TP53BP1: variants seen among roughly 807,000 people sequenced by gnomAD.
TP53BP1 encodes tumor protein p53 binding protein 1.
A neutral mutation model predicts 200.8 loss-of-function variants in TP53BP1; 61 were observed. That is an observed-to-expected ratio of 0.30 (90% confidence interval 0.25 to 0.38). The LOEUF (loss-of-function observed/expected upper bound fraction) is 0.38. TP53BP1 is among the 10% of genes least tolerant of loss of function. The probability of loss-of-function intolerance (pLI) is 1.00; values close to 1 mark genes in which losing one functional copy is unlikely to be tolerated. For missense variants in TP53BP1, 2,144 were observed against 2,371.9 expected (o/e 0.90, Z 2.00); for synonymous variants, 822 against 844.3 (o/e 0.97, Z 0.46).
intron 24 of TP53BP1, 144 bp from the exon 25 acceptor site, chr15:43,409,885 T>C: frequency 2.3e-6 from 1 of 444,348 alleles, no homozygotes; most frequent in Non-Finnish European, 4.0e-6. Context: ...GGCTTCCCCA[T>C]GGGTCAGAAA....
rs770323204 is a variant in TP53BP1, at chr15:43,456,221, G to A, written c.2387C>T (p.Ala796Val). 3.1e-6 allele frequency: 5 copies of A among 1,614,136 alleles called. No individual in the cohort carries two copies. In the South Asian group the frequency reaches 5.5e-5, roughly 18 times the overall value. The change falls in exon 12 of 28, where the codon GCT becomes GTT. Residue 796 changes from alanine (A) to valine (V), a missense_variant. Ala to Val is a moderately conservative substitution (Grantham distance 64). Coordinates refer to ENST00000382044, the MANE Select transcript of TP53BP1 (RefSeq NM_001141980.3). ...CTCAGCACATGGTTCTATTTCTGGA[G>A]CAATATCCTCCCATGACTGGGAATC... The part of the protein sequence containing the change: ...CSDSQSWEDI[A>V]PEIEPCAENR...
intron 27 of TP53BP1, 40 bp from the exon 28 acceptor site, chr15:43,407,610 CAACTT>C (rs1298578589): frequency 2.6e-6 from 4 of 1,559,306 alleles, no homozygotes; most frequent in South Asian, 2.3e-5. Flanking sequence ...AAAGGACACT[CAACTT>C]AGCCCTCCAT....
chr15:43,507,710 GTTTTC>G (rs1237462692), intron 1 of TP53BP1, among the ~76,000 whole-genome samples: 1 of 151,168 alleles, frequency 6.6e-6, no homozygotes, highest in Non-Finnish European at 1.5e-5. Context: ...ATGCTCCACA[GTTTTC>G]TTTTTTCTTT....
At chr15:43,497,497 T>C (rs147968039), upstream of TP53BP1, 3 of 978,130 alleles carry the variant, frequency 3.1e-6, no homozygotes, top group East Asian at 3.4e-4. Flanking sequence ...TTCTCTACCA[T>C]CTCAGCTTTC....
At chr15:43,473,822 C>T (rs996593047) in intron 10 of TP53BP1, among the ~76,000 whole-genome samples, 6 of 152,248 alleles carry the variant, frequency 3.9e-5, no homozygotes, top group Admixed American at 2.0e-4. Flanking sequence ...CAGTGGATCT[C>T]GCACGGGGGC....
At chr15:43,504,673 C>T (rs1288931852) in intron 1 of TP53BP1, among the ~76,000 whole-genome samples, 1 of 152,054 alleles carries the variant, frequency 6.6e-6, no homozygotes, top group African/African-American at 2.4e-5. Flanking sequence ...ACAAAAAATA[C>T]AAGAATGAGA....
At chr15:43,422,159 G>A in intron 18 of TP53BP1, 33 bp from the exon 19 acceptor site, 1 of 1,601,940 alleles carries the variant, frequency 6.2e-7, no homozygotes, top group Non-Finnish European at 8.5e-7. Context: ...GAAGATAAAA[G>A]ATGCCATAAT....
At chr15:43,477,850 T>A in intron 7 of TP53BP1, 91 bp from the exon 8 acceptor site, 1 of 1,063,322 alleles carries the variant, frequency 9.4e-7, no homozygotes, top group South Asian at 2.2e-5. Flanking sequence ...TTTTCTTTAA[T>A]AATTTCAAAA....
At chr15:43,428,532 GT>G (rs2045601631) in intron 17 of TP53BP1, among the ~76,000 whole-genome samples, 1 of 152,102 alleles carries the variant, frequency 6.6e-6, no homozygotes, top group Non-Finnish European at 1.5e-5. Context: ...TAGTAAACGA[GT>G]TTACATTTGC....
intron 14 of TP53BP1, among the ~76,000 whole-genome samples, chr15:43,445,148 C>A (rs1298281625): frequency 2.0e-5 from 3 of 152,256 alleles, no homozygotes; most frequent in Non-Finnish European, 2.9e-5. Flanking sequence ...ATAAACTTCT[C>A]AAAAGTAGAG....
At chr15:43,420,861 C>T (rs1050015833) in intron 20 of TP53BP1, 126 bp from the exon 21 acceptor site, 1 of 1,283,768 alleles carries the variant, frequency 7.8e-7, no homozygotes, top group Admixed American at 2.5e-5. Context: ...CCATCACAGG[C>T]ATGAGCCTGG....
At chr15:43,435,028 A>G (rs1034371883) in intron 16 of TP53BP1, among the ~76,000 whole-genome samples, 3 of 152,180 alleles carry the variant, frequency 2.0e-5, no homozygotes, top group African/African-American at 7.2e-5. Flanking sequence ...TGGGAAGCCA[A>G]GACGGGTGGA....
intron 18 of TP53BP1, among the ~76,000 whole-genome samples, chr15:43,423,890 G>A (rs762247927): frequency 3.3e-5 from 5 of 151,650 alleles, no homozygotes; most frequent in Admixed American, 6.6e-5. Context: ...CTTTAAAATC[G>A]GTATTTCCCA....
Position 43,404,650 on chromosome 15 carries a change from C to T in TP53BP1, c.*2733G>A. On this transcript the variant is annotated 3_prime_UTR_variant, in exon 28 of 28. Transcript: ENST00000382044. ...TGGAAGAAGACTTTAGTCCAAATACCCTCATTTTATAAGTAAGGCTTAGAG... is the reference window on the plus strand; with the variant it reads ...TGGAAGAAGACTTTAGTCCAAATACTCTCATTTTATAAGTAAGGCTTAGAG... 1 of 1,313,372 alleles carries T rather than the reference C, an allele frequency of 7.6e-7. No individual in the cohort carries two copies. Among genetic ancestry groups the T allele is most frequent in the Non-Finnish European group, 1.1e-6 (1 of 945,692 alleles). 81.4% of individuals were successfully genotyped at this position (1,313,372 alleles called of 1,614,324 possible).
Position 43,407,268 on chromosome 15 carries a change from A to AAAC in TP53BP1, c.*112_*114dup. On this transcript the variant is annotated 3_prime_UTR_variant, in exon 28 of 28. Transcript: ENST00000382044. The stretch of plus-strand genomic sequence containing the variant: ...TTTTATCATAAAAGTTCAGCAAATA[A>AAAC]AACTATATACAAGATCCATGCAAGG... The AAAC allele has an allele frequency of 1.2e-6, 1 of 845,732 alleles. No homozygotes were observed. The highest frequency in any genetic ancestry group is 1.9e-6 in the Non-Finnish European group (1 of 540,362). The allele number at this position is 845,732 out of a possible 1,614,324, so 52.4% of individuals were successfully genotyped here.
At position 43,438,422 on chromosome 15, in the gene TP53BP1, A is replaced by C. The variant is rs2045850508; in HGVS notation, c.3099-6T>G. On this transcript the variant is annotated splice_region_variant and splice_polypyrimidine_tract_variant and intron_variant, in intron 15 of 27. Coordinates refer to ENST00000382044, the MANE Select transcript of TP53BP1 (RefSeq NM_001141980.3). ...CAGACATGGTCTTCTGGGGACTAAG[A>C]CAATATATTAAAGCAATATATTGTT... 6.2e-7 allele frequency: 1 copy of C among 1,606,846 alleles called. No homozygotes were observed.
intron 1 of TP53BP1, among the ~76,000 whole-genome samples, chr15:43,506,208 T>C (rs1032620860): frequency 1.3e-5 from 2 of 152,198 alleles, no homozygotes; most frequent in African/African-American, 4.8e-5. Context: ...TCAAGATGAG[T>C]GCAACTAATT....
At chr15:43,435,121 T>C (rs879767691) in intron 16 of TP53BP1, among the ~76,000 whole-genome samples, 1 of 151,720 alleles carries the variant, frequency 6.6e-6, no homozygotes, top group Non-Finnish European at 1.5e-5. Flanking sequence ...AAAATAGCCA[T>C]GTGTGGTGGC....
rs764589998 is a variant in TP53BP1, at chr15:43,407,445, CAAT to C, written c.5869_5871del (p.Ile1957del). 1.2e-6 allele frequency: 2 copies of C among 1,614,220 alleles called. No homozygotes were observed. The highest frequency in any genetic ancestry group is 1.1e-5 in the South Asian group (1 of 91,082). ...TGCTTGAATCCAATTCTCTCCCCAA[CAAT>C]GAGGCACTGGATCACCCACTCTTGT... is the stretch of plus-strand genomic sequence containing the variant. On this transcript the variant is annotated inframe_deletion, in exon 28 of 28. Coordinates refer to ENST00000382044, the MANE Select transcript of TP53BP1 (RefSeq NM_001141980.3).
Sources: allele counts gnomAD v4.1 joint callset (sites outside exome capture counted in the v4.1 genomes callset), GRCh38; gene constraint gnomAD v4.1.1; transcripts MANE v1.5; gene names NCBI Gene and HGNC (gene_info 2026-07-23, HGNC 2026-07-21).